Variants in DYRK1A observed in about 807,000 individuals in gnomAD.
DYRK1A encodes dual specificity tyrosine phosphorylation regulated kinase 1A.
Under a neutral mutation model 79.7 loss-of-function variants are expected in DYRK1A, and 9 were observed. That is an observed-to-expected ratio of 0.11 (90% CI 0.07 to 0.20). The LOEUF (loss-of-function observed/expected upper bound fraction) is 0.20. Ranked by LOEUF, DYRK1A falls within the 10% of genes least tolerant of loss-of-function variation. The probability of loss-of-function intolerance (pLI) is 1.00; values close to 1 mark genes in which losing one functional copy is unlikely to be tolerated. For synonymous variants in DYRK1A, 349 were observed against 329.7 expected (o/e 1.06, Z -0.63); for missense variants, 622 against 956.0 (o/e 0.65, Z 4.61).
chr21:37,511,509 T>C (rs1161999503), intron 11 of DYRK1A, among the ~76,000 whole-genome samples: 1 of 152,176 alleles, frequency 6.6e-6, no homozygotes, highest in Non-Finnish European at 1.5e-5. Flanking sequence ...AGGTAGATAG[T>C]AGTCCTTTAT....
chr21:37,414,584 T>C (rs73903958), intron 1 of DYRK1A, among the ~76,000 whole-genome samples: 14 of 152,138 alleles, frequency 9.2e-5, no homozygotes, highest in African/African-American at 3.1e-4. Flanking sequence ...AAGCCCGCCT[T>C]ATAAAAGTTG....
chr21:37,473,016 T>C (rs2052280976), intron 3 of DYRK1A, 136 bp downstream of exon 3: 2 of 656,820 alleles, frequency 3.0e-6, no homozygotes, highest in Admixed American at 3.9e-5. Flanking sequence ...TGGGAAAACA[T>C]GTTAAGAAGT....
At chr21:37,496,876 T>C (rs1336344363) in intron 9 of DYRK1A, among the ~76,000 whole-genome samples, 2 of 152,224 alleles carry the variant, frequency 1.3e-5, no homozygotes, top group Non-Finnish European at 2.9e-5. Context: ...CTGAGGACTT[T>C]TTAAAAGATA....
chr21:37,458,093 AG>A (rs1016062464), intron 2 of DYRK1A, among the ~76,000 whole-genome samples: 3 of 152,212 alleles, frequency 2.0e-5, no homozygotes, highest in Admixed American at 1.3e-4. Flanking sequence ...GCAGCTAAGC[AG>A]GCACCTTTCA....
At chr21:37,474,944 T>C (rs538963878) in intron 3 of DYRK1A, among the ~76,000 whole-genome samples, 64 of 152,336 alleles carry the variant, frequency 4.2e-4, no homozygotes, top group African/African-American at 1.5e-3. Context: ...AATACAGTGT[T>C]TCTGATTCTT....
At chr21:37,455,428 A>T (rs928764) in intron 2 of DYRK1A, among the ~76,000 whole-genome samples, 1 of 151,944 alleles carries the variant, frequency 6.6e-6, no homozygotes, top group Non-Finnish European at 1.5e-5. Context: ...AATTTTAAAT[A>T]ATGGTACATT....
chr21:37,489,354 G>A (rs779615504), intron 6 of DYRK1A, among the ~76,000 whole-genome samples: 1 of 152,122 alleles, frequency 6.6e-6, no homozygotes, highest in Non-Finnish European at 1.5e-5. Flanking sequence ...CTGATGTGAC[G>A]TCAGTGTTAA....
At chr21:37,458,268 C>CTGTGTGTGTGTGTG (rs3138683) in intron 2 of DYRK1A, among the ~76,000 whole-genome samples, 6,051 of 130,374 alleles carry the variant, frequency 0.046, 193 homozygotes, top group Non-Finnish European at 0.051. Flanking sequence ...GGGTAATTTA[C>CTGTGTGTGTGTGTG]TGTGTGTGTG....
At chr21:37,483,365 A>G (rs2052726840) in intron 5 of DYRK1A, among the ~76,000 whole-genome samples, 1 of 152,192 alleles carries the variant, frequency 6.6e-6, no homozygotes, top group South Asian at 2.1e-4. Context: ...ATCCAGAAAA[A>G]TAAACGTGTA....
upstream of DYRK1A, chr21:37,366,182 C>T (rs1393406172): frequency 6.6e-6 from 1 of 151,160 alleles, no homozygotes; most frequent in Non-Finnish European, 1.5e-5. Context: ...GCGCCCGGAC[C>T]GCGGTGAGAG....
chr21:37,376,332 A>C (rs1195887075), intron 1 of DYRK1A, among the ~76,000 whole-genome samples: 4 of 151,890 alleles, frequency 2.6e-5, no homozygotes, highest in Non-Finnish European at 5.9e-5. Flanking sequence ...AAATGGTGAA[A>C]CCCCCATCTC....
At position 37,506,219 on chromosome 21, in the gene DYRK1A, C is replaced by G; in HGVS notation, c.1640C>G (p.Pro547Arg). ...VQAMDCETHSPQVRQQFPAPL... is the reference protein window; with the variant it reads ...VQAMDCETHSRQVRQQFPAPL... ...GCCATGGACTGCGAGACACACAGTCCCCAGGTGAGCTCGCACGTGGTTCAT... is the reference window on the plus strand; with the variant it reads ...GCCATGGACTGCGAGACACACAGTCGCCAGGTGAGCTCGCACGTGGTTCAT... The change falls in exon 11 of 12, where the codon CCC becomes CGC. Residue 547 changes from proline (P) to arginine (R), a missense_variant. Physicochemically the swap from Pro to Arg is moderately radical, Grantham distance 103 (BLOSUM62 -2). Coordinates refer to ENST00000647188, the MANE Select transcript of DYRK1A (RefSeq NM_001347721.2). The G allele has an allele frequency of 6.2e-7, 1 of 1,614,006 alleles. No individual in the cohort carries two copies. The highest frequency in any genetic ancestry group is 8.5e-7 in the Non-Finnish European group (1 of 1,180,000).
At chr21:37,374,934 C>A (rs1225868907) in intron 1 of DYRK1A, among the ~76,000 whole-genome samples, 1 of 152,186 alleles carries the variant, frequency 6.6e-6, no homozygotes, top group Non-Finnish European at 1.5e-5. Context: ...TCATTTCTCA[C>A]ATATTAGAGA....
intron 1 of DYRK1A, among the ~76,000 whole-genome samples, chr21:37,368,368 A>G (rs559209244): frequency 6.6e-6 from 1 of 152,196 alleles, no homozygotes; most frequent in Non-Finnish European, 1.5e-5. Context: ...CTCGCTTCGG[A>G]GCCACCAAAG....
chr21:37,470,386 A>AT (rs2148550598), intron 2 of DYRK1A, among the ~76,000 whole-genome samples: 1 of 152,350 alleles, frequency 6.6e-6, no homozygotes, highest in Admixed American at 6.5e-5. Flanking sequence ...AACATAGTAT[A>AT]TAACAGTGAC....
intron 1 of DYRK1A, among the ~76,000 whole-genome samples, chr21:37,407,756 T>A (rs1214160678): frequency 1.3e-5 from 2 of 152,218 alleles, no homozygotes; most frequent in African/African-American, 4.8e-5. Flanking sequence ...CAAATATGAC[T>A]TTGGGTAGCA....
intron 1 of DYRK1A, among the ~76,000 whole-genome samples, chr21:37,369,306 A>G (rs1246217938): frequency 2.0e-5 from 3 of 152,242 alleles, no homozygotes; most frequent in Non-Finnish European, 4.4e-5. Context: ...GTTTTCAAGT[A>G]GACTTTTAAA....
chr21:37,445,090 C>T (rs2051225104), intron 2 of DYRK1A, among the ~76,000 whole-genome samples: 1 of 152,178 alleles, frequency 6.6e-6, no homozygotes, highest in South Asian at 2.1e-4. Flanking sequence ...AGGATGGCGG[C>T]AGAATCTGTG....
chr21:37,379,977 A>T (rs533598608), intron 1 of DYRK1A, among the ~76,000 whole-genome samples: 1 of 152,306 alleles, frequency 6.6e-6, no homozygotes, highest in East Asian at 1.9e-4. Flanking sequence ...GGAATCTTTA[A>T]TAGTTCTTGA....
Sources: gnomAD v4.1 joint callset for allele counts (sites outside exome capture counted in the v4.1 genomes callset) on GRCh38, gnomAD v4.1.1 for gene constraint, MANE v1.5 for transcripts, NCBI Gene and HGNC (gene_info 2026-07-23, HGNC 2026-07-21) for gene names.